Variants in MCC observed in about 807,000 individuals in gnomAD.
MCC encodes colorectal mutant cancer protein.
In MCC, 90 loss-of-function variants were observed where a neutral mutation model predicts 116.2. The ratio of observed to expected loss-of-function variants is 0.77; its 90% CI spans 0.65 to 0.92. The LOEUF (loss-of-function observed/expected upper bound fraction) is 0.92. Ranked by LOEUF, MCC falls within the 40% of genes least tolerant of loss-of-function variation. MCC has a pLI of 0.00. For synonymous variants in MCC, 578 were observed against 510.5 expected (o/e 1.13, Z -1.78); for missense variants, 1,516 against 1,312.2 (o/e 1.16, Z -2.40).
intron 3 of MCC, among the ~76,000 whole-genome samples, chr5:113,200,341 T>G (rs1383013436): frequency 6.6e-6 from 1 of 152,164 alleles, no homozygotes; most frequent in Non-Finnish European, 1.5e-5. Context: ...GTTTGTTCAA[T>G]GAAAGCCATT....
intron 3 of MCC, among the ~76,000 whole-genome samples, chr5:113,238,994 A>G (rs1173588350): frequency 6.6e-6 from 1 of 152,236 alleles, no homozygotes; most frequent in Admixed American, 6.5e-5. Flanking sequence ...ATTCATCGAA[A>G]TGTGAAGAGA....
chr5:113,364,975 G>A (rs1187795946), intron 2 of MCC, among the ~76,000 whole-genome samples: 1 of 152,176 alleles, frequency 6.6e-6, no homozygotes, highest in Admixed American at 6.5e-5. Context: ...GATGAGAGGG[G>A]CTGCTGTGCA....
chr5:113,465,172 C>G (rs1156378189), intron 1 of MCC, among the ~76,000 whole-genome samples: 1 of 140,272 alleles, frequency 7.1e-6, no homozygotes, highest in East Asian at 2.0e-4. Flanking sequence ...TATAAAGCAA[C>G]AGTATTGAGC....
chr5:113,185,740 G>T (rs973879585), intron 3 of MCC, among the ~76,000 whole-genome samples: 1 of 152,150 alleles, frequency 6.6e-6, no homozygotes, highest in Non-Finnish European at 1.5e-5. Flanking sequence ...GTGTAGGAAA[G>T]AAATACAGCA....
At chr5:113,060,640 T>C (rs1305441550) in intron 14 of MCC, among the ~76,000 whole-genome samples, 1 of 152,204 alleles carries the variant, frequency 6.6e-6, no homozygotes, top group East Asian at 1.9e-4. Flanking sequence ...ACAACAAACA[T>C]ACAGTTCTTT....
At chr5:113,048,308 A>G (rs1752252952) in intron 16 of MCC, among the ~76,000 whole-genome samples, 1 of 152,212 alleles carries the variant, frequency 6.6e-6, no homozygotes, top group Admixed American at 6.5e-5. Context: ...AGAAATAAAC[A>G]GTAAGTTTTA....
At chr5:113,190,313 C>G (rs989010756) in intron 3 of MCC, among the ~76,000 whole-genome samples, 1 of 152,076 alleles carries the variant, frequency 6.6e-6, no homozygotes, top group Non-Finnish European at 1.5e-5. Flanking sequence ...AAAGGTCTAC[C>G]GGAAAGGATG....
intron 13 of MCC, among the ~76,000 whole-genome samples, chr5:113,065,459 CAAAT>C (rs1753538684): frequency 6.6e-6 from 1 of 152,124 alleles, no homozygotes; most frequent in Non-Finnish European, 1.5e-5. Context: ...CATGCTTTTC[CAAAT>C]ATTTTTAAAT....
chr5:113,106,057 G>C (rs1227062322), intron 6 of MCC, among the ~76,000 whole-genome samples: 1 of 152,172 alleles, frequency 6.6e-6, no homozygotes, highest in Non-Finnish European at 1.5e-5. Context: ...CTAACGTGCA[G>C]TCAGAGTGAG....
chr5:113,104,041 C>G (rs1235983908), intron 7 of MCC, 151 bp downstream of exon 7: 2 of 704,292 alleles, frequency 2.8e-6, no homozygotes, highest in East Asian at 3.1e-5. Flanking sequence ...CTAGAGCCCC[C>G]GCTTCTACAC....
intron 3 of MCC, among the ~76,000 whole-genome samples, chr5:113,266,451 C>T (rs1765421436): frequency 1.3e-5 from 2 of 152,226 alleles, no homozygotes; most frequent in South Asian, 4.1e-4. Flanking sequence ...GTTGGCAGTT[C>T]TTGGGAAATT....
Position 113,043,512 on chromosome 5 carries a change from TG to T in MCC, c.2756+17del, listed in dbSNP as rs764981918. The T allele has an allele frequency of 8.7e-6, 14 of 1,606,634 alleles. No homozygotes were observed. In the South Asian group the frequency reaches 1.1e-4, roughly 13 times the overall value. On this transcript the variant is annotated intron_variant, in intron 17 of 18. Coordinates refer to ENST00000408903, the MANE Select transcript of MCC (RefSeq NM_001085377.2). Reference sequence around the variant, plus strand: ...TGCCCAGGATAAACACCAGCTGGGGTGGGGAAAGGGTGCTTACCGACGAATG... The same window carrying T: ...TGCCCAGGATAAACACCAGCTGGGGTGGGAAAGGGTGCTTACCGACGAATG...
chr5:113,410,849 A>G (rs1769970808), intron 1 of MCC, among the ~76,000 whole-genome samples: 1 of 152,186 alleles, frequency 6.6e-6, no homozygotes, highest in Non-Finnish European at 1.5e-5. Context: ...GAGTGAGAAC[A>G]CATGGTGTTT....
At chr5:113,198,016 G>T (rs1458055696) in intron 3 of MCC, among the ~76,000 whole-genome samples, 1 of 152,232 alleles carries the variant, frequency 6.6e-6, no homozygotes. Flanking sequence ...TAGAAAGGGG[G>T]TAAGAACTGG....
intron 6 of MCC, among the ~76,000 whole-genome samples, chr5:113,115,138 C>T (rs1233103456): frequency 2.0e-5 from 3 of 152,218 alleles, no homozygotes; most frequent in Non-Finnish European, 4.4e-5. Context: ...CGGAGTTTTG[C>T]TCCTGCTGGT....
intron 1 of MCC, among the ~76,000 whole-genome samples, chr5:113,472,831 C>T (rs1772129955): frequency 6.6e-6 from 1 of 152,192 alleles, no homozygotes. Context: ...TAACATGGTA[C>T]AGGAGTTTTC....
In MCC at chr5:113,294,896, G is replaced by A. The variant is rs1056570581; in HGVS notation, c.627+45623C>T. ...AGCTAGAGGGAGCCGGAGCGGAGCT[G>A]CACTTCACGCCGAAGTTTCCCCTTC... On this transcript the variant is annotated intron_variant, in intron 3 of 18. Coordinates refer to ENST00000408903, the MANE Select transcript of MCC (RefSeq NM_001085377.2). 9.1e-6 allele frequency: 9 copies of A among 985,474 alleles called. No individual in the cohort carries two copies. The African/African-American group carries it at 1.4e-4, about 15-fold the overall frequency. The allele number at this position is 985,474 out of a possible 1,614,324, so 61.0% of individuals were successfully genotyped here.
intron 2 of MCC, among the ~76,000 whole-genome samples, chr5:113,360,690 A>G (rs1468375595): frequency 2.0e-5 from 3 of 152,228 alleles, no homozygotes; most frequent in Non-Finnish European, 4.4e-5. Context: ...CATCTATTTT[A>G]TCTAAAATTT....
rs1422773329 is a variant in MCC, at chr5:113,434,384, C to G, written c.171-49172G>C. On this transcript the variant is annotated intron_variant, in intron 1 of 18. Coordinates refer to ENST00000408903, the MANE Select transcript of MCC (RefSeq NM_001085377.2). The surrounding 1 kb of genome is among the most constrained non-coding windows in gnomAD (Gnocchi z 4.2). ...AGCGCTTGGAGAAGCTGAAGTCGGA[C>G]AGCTTGATGTTGAAGTCCTTGTCAA... 1 of 1,613,828 alleles carries G rather than the reference C, an allele frequency of 6.2e-7. No homozygotes were observed. Among genetic ancestry groups the G allele is most frequent in the Non-Finnish European group, 8.5e-7 (1 of 1,179,980 alleles).
Sources: allele counts gnomAD v4.1 joint callset (sites outside exome capture counted in the v4.1 genomes callset), GRCh38; gene constraint gnomAD v4.1.1; non-coding constraint Gnocchi (gnomAD v3.1); transcripts MANE v1.5; gene names NCBI Gene and HGNC (gene_info 2026-07-23, HGNC 2026-07-21).